POLH: variants seen among roughly 807,000 people sequenced by gnomAD.
POLH encodes the protein DNA polymerase eta.
In POLH, 53 loss-of-function variants were observed where a neutral mutation model predicts 73.6. The ratio of observed to expected loss-of-function variants is 0.72; its 90% CI spans 0.58 to 0.91. The LOEUF is 0.91. Among genes scored for constraint, POLH ranks in the 40% least tolerant of loss-of-function variants. POLH has a pLI of 0.00. For missense variants in POLH, 768 were observed against 865.4 expected, an observed-to-expected ratio of 0.89 and a Z score of 1.41; for synonymous variants, 292 against 308.5, an observed-to-expected ratio of 0.95 and a Z score of 0.56.
chr6:43,601,787 G>A (rs1766762244), intron 6 of POLH, among the ~76,000 whole-genome samples: 3 of 151,992 alleles, frequency 2.0e-5, no homozygotes, highest in Admixed American at 6.6e-5. Context: ...GGCCGGGTGC[G>A]GTGGCTCACG....
chr6:43,592,871 T>C (rs1275122978), intron 4 of POLH, among the ~76,000 whole-genome samples: 1 of 152,210 alleles, frequency 6.6e-6, no homozygotes, highest in East Asian at 1.9e-4. Context: ...TGTTTTTTCT[T>C]AATTCATTTC....
In POLH at chr6:43,613,685, C is replaced by T. The variant is rs185710017; in HGVS notation, c.1270C>T (p.Leu424Phe). The change falls in exon 11 of 11, where the codon CTC becomes TTC. Residue 424 changes from leucine to phenylalanine, a missense_variant. Transcript: ENST00000372236. The part of the protein sequence containing the change: ...EWSPPLTMLF[L>F]CATKFSASAP... ...GTCTCCTCCTCTCACAATGCTTTTC[C>T]TCTGTGCTACAAAATTTTCTGCCTC... 1.2e-6 allele frequency: 2 copies of T among 1,613,922 alleles called. No homozygotes were observed. The highest frequency in any genetic ancestry group is 2.7e-5 in the African/African-American group (2 of 75,024).
At chr6:43,613,508 T>C in intron 10 of POLH, 152 bp from the exon 11 acceptor site, 1 of 679,446 alleles carries the variant, frequency 1.5e-6, no homozygotes. Flanking sequence ...CAGTAAAGAA[T>C]AATTTCTGTG....
chr6:43,614,423 A>T lies in POLH; in HGVS notation c.2008A>T (p.Asn670Tyr). ...ATCCTTTTTGCAGCCCCACTCTTCA[A>T]ACCCCCAGGTTGTTTCTGCCGTATC... ...QKSFLQPHSS[N>Y]PQVVSAVSHQ... is the part of the protein sequence containing the mutation. Residue 670 changes from asparagine to tyrosine, a missense_variant, in exon 11 of 11, where the codon AAC becomes TAC. Transcript: ENST00000372236. The T allele has an allele frequency of 6.2e-7, 1 of 1,614,168 alleles. No individual in the cohort carries two copies. The highest frequency in any genetic ancestry group is 8.5e-7 in the Non-Finnish European group (1 of 1,180,024).
chr6:43,576,484 TC>T (rs1763353200), intron 1 of POLH, 44 bp downstream of exon 1: 1 of 152,252 alleles, frequency 6.6e-6, no homozygotes, highest in South Asian at 2.1e-4. Flanking sequence ...GTTCAGACTT[TC>T]TATGTTGCCT....
chr6:43,582,315 GA>G lies in POLH; in HGVS notation c.1del. 1 of 1,614,052 alleles carries G rather than the reference GA, an allele frequency of 6.2e-7. No homozygotes were observed. The highest frequency in any genetic ancestry group is 8.5e-7 in the Non-Finnish European group (1 of 1,179,896). ...ACTGTCCATAAAATGTTGTGTTACA[GA>G]AAAATGGCTACTGGACAGGATCGAG... On this transcript the variant is annotated splice_region_variant and 5_prime_UTR_variant, in exon 2 of 11. Transcript: ENST00000372236.
intron 3 of POLH, among the ~76,000 whole-genome samples, chr6:43,584,289 T>C (rs180989175): frequency 4.8e-3 from 729 of 152,330 alleles, no homozygotes; most frequent in Middle Eastern, 6.8e-3. Context: ...GACATACTTC[T>C]GAATTCTAAT....
rs551689749 is a variant in POLH at position 43,595,857 on chromosome 6, A to T, written c.491-1839A>T. On this transcript the variant is annotated intron_variant, in intron 4 of 10. Coordinates refer to ENST00000372236, the MANE Select transcript of POLH (RefSeq NM_006502.3). ...TGCATGTATTTTTCTTTTTTTTTTTAAATTACCTATTTTCCTGAAACACCA... is the reference window on the plus strand; with the variant it reads ...TGCATGTATTTTTCTTTTTTTTTTTTAATTACCTATTTTCCTGAAACACCA... Among the ~76,000 whole-genome samples, 839 of 149,564 alleles carry T rather than the reference A, an allele frequency of 5.6e-3. 9 individuals are homozygous for T. Among genetic ancestry groups the T allele is most frequent in the African/African-American group, 0.019 (768 of 39,974 alleles).
chr6:43,600,246 C>T (rs562806379), intron 5 of POLH, among the ~76,000 whole-genome samples: 15 of 151,942 alleles, frequency 9.9e-5, no homozygotes, highest in African/African-American at 3.1e-4. Flanking sequence ...GGTGAAACCC[C>T]GTATCTACCA....
At chr6:43,578,456 GT>G in intron 1 of POLH, 1 of 441,990 alleles carries the variant, frequency 2.3e-6, no homozygotes. Context: ...AGTATATATA[GT>G]TGTGGAAGTC....
chr6:43,619,468 T>C lies in POLH; in HGVS notation c.*4911T>C, dbSNP rs1187028219. ...GCTTCTTAAAGGCAAAGATTCTTCA[T>C]AGTGCTTTGCACATGATAGGTGCTG... On this transcript the variant is annotated 3_prime_UTR_variant, in exon 11 of 11. Transcript: ENST00000372236. Among the ~76,000 whole-genome samples the C allele has an allele frequency of 6.7e-6, 1 of 149,788 alleles. No homozygotes were observed. The highest frequency in any genetic ancestry group is 2.4e-5 in the African/African-American group (1 of 41,080).
rs372912165 is a variant in POLH, at chr6:43,613,833, C to T, written c.1418C>T (p.Thr473Ile). 4.3e-6 allele frequency: 7 copies of T among 1,614,104 alleles called. No homozygotes were observed. The Admixed American group carries it at 5.0e-5, about 12-fold the overall frequency. ...GGAAGTGGCCCAGCGGTGACAGCCA[C>T]TAAGAAAGCAACCACGTCTCTGGAA... Reference protein sequence around the residue: ...TQGSGPAVTATKKATTSLESF... With the variant: ...TQGSGPAVTAIKKATTSLESF... The change falls in exon 11 of 11, where the codon ACT becomes ATT. Residue 473 changes from threonine to isoleucine, a missense_variant. Thr to Ile is a moderately conservative substitution (Grantham distance 89, BLOSUM62 -1). Coordinates refer to ENST00000372236, the MANE Select transcript of POLH (RefSeq NM_006502.3).
chr6:43,580,996 C>G (rs1253376881), intron 1 of POLH, among the ~76,000 whole-genome samples: 3 of 146,644 alleles, frequency 2.0e-5, no homozygotes, highest in Admixed American at 1.3e-4. Flanking sequence ...GGGGCTGACC[C>G]CCCCCCACCT....
At chr6:43,578,497 CG>C in intron 1 of POLH, 1 of 364,602 alleles carries the variant, frequency 2.7e-6, no homozygotes, top group Non-Finnish European at 5.3e-6. Flanking sequence ...AGCAGCCTGG[CG>C]GGGGGACAAG....
rs1355911469 is a variant in POLH at position 43,613,665 on chromosome 6, C to T, written c.1250C>T (p.Pro417Leu). 6.2e-7 allele frequency: 1 copy of T among 1,612,932 alleles called. No homozygotes were observed. The highest frequency in any genetic ancestry group is 1.7e-5 in the Admixed American group (1 of 59,974). ...NTSGIQTEWS[P>L]PLTMLFLCAT... ...TTTCTTTACTTTCTGTATAGGTCTC[C>T]TCCTCTCACAATGCTTTTCCTCTGT... The change falls in exon 11 of 11, where the codon CCT becomes CTT. Residue 417 changes from proline to leucine, a missense_variant. Transcript: ENST00000372236.
rs60046548 is a variant in POLH, at chr6:43,619,364, CAAAAAAAAAAAAAAAAAA to C, written c.*4820_*4837del. Among the ~76,000 whole-genome samples the C allele has an allele frequency of 1.1e-4, 4 of 37,050 alleles. No homozygotes were observed. Among genetic ancestry groups the C allele is most frequent in the Non-Finnish European group, 3.0e-4 (4 of 13,406 alleles). 24.3% of individuals were successfully genotyped at this position (37,050 alleles called of 152,430 possible). On this transcript the variant is annotated 3_prime_UTR_variant, in exon 11 of 11. Transcript: ENST00000372236. Reference sequence around the variant, plus strand: ...TGGGTGACAGTCTGAGACCCTGTCTCAAAAAAAAAAAAAAAAAAAAAAAAAAAAAAGACTACATTCACT... The same window carrying C: ...TGGGTGACAGTCTGAGACCCTGTCTCAAAAAAAAAAAAGACTACATTCACT...
At position 43,614,632 on chromosome 6, in the gene POLH, T is replaced by C; in HGVS notation, c.*75T>C. On this transcript the variant is annotated 3_prime_UTR_variant, in exon 11 of 11. Coordinates refer to ENST00000372236, the MANE Select transcript of POLH (RefSeq NM_006502.3). Reference sequence around the variant, plus strand: ...ATCTTTATCTTTAATATTTTATCTTTACAGATTTCCCTGAGAAAGGGAATT... The same window carrying C: ...ATCTTTATCTTTAATATTTTATCTTCACAGATTTCCCTGAGAAAGGGAATT... 3 of 1,301,860 alleles carry C rather than the reference T, an allele frequency of 2.3e-6. No homozygotes were observed. In the South Asian group the frequency reaches 3.9e-5, roughly 17 times the overall value. 80.6% of individuals were successfully genotyped at this position (1,301,860 alleles called of 1,614,324 possible).
chr6:43,591,567 C>T (rs1201052792), intron 4 of POLH, among the ~76,000 whole-genome samples: 2 of 151,954 alleles, frequency 1.3e-5, no homozygotes, highest in Non-Finnish European at 2.9e-5. Context: ...TATCCATCTG[C>T]CTTGGCCTCC....
At chr6:43,576,652 T>C (rs1024519003) in intron 1 of POLH, among the ~76,000 whole-genome samples, 4 of 152,366 alleles carry the variant, frequency 2.6e-5, no homozygotes, top group African/African-American at 9.6e-5. Flanking sequence ...CTCTTGGAAT[T>C]ACTTTCCTGG....
Sources: allele counts gnomAD v4.1 joint callset (sites outside exome capture counted in the v4.1 genomes callset), GRCh38; gene constraint gnomAD v4.1.1; transcripts MANE v1.5; gene names NCBI Gene and HGNC (gene_info 2026-07-23, HGNC 2026-07-21).